Variants in PNPLA7 observed in about 807,000 individuals in gnomAD.
PNPLA7 encodes the protein patatin-like phospholipase domain-containing protein 7.
PNPLA7 carries 153 observed loss-of-function variants against 161.7 expected under a neutral mutation model. The ratio of observed to expected loss-of-function variants is 0.95; its 90% CI spans 0.83 to 1.08. The LOEUF (loss-of-function observed/expected upper bound fraction) is 1.08, where lower values mean the gene tolerates loss of function less well. Ranked by LOEUF, PNPLA7 falls within the 50% of genes least tolerant of loss-of-function variation. The probability of loss-of-function intolerance (pLI) is 0.00; values close to 1 mark genes in which losing one functional copy is unlikely to be tolerated. For missense variants in PNPLA7, 1,739 were observed against 1,856.6 expected, an observed-to-expected ratio of 0.94 and a Z score of 1.16; for synonymous variants, 809 against 782.1, an observed-to-expected ratio of 1.03 and a Z score of -0.57.
rs140793596 is a variant in PNPLA7 at position 137,462,020 on chromosome 9, G to A, written c.3667C>T (p.Arg1223Cys). The change falls in exon 32 of 35, where the codon CGC (arginine) becomes TGC (cysteine). Residue 1223 changes from arginine to cysteine, a missense_variant. Around this residue, in one of 6 missense-constraint regions of PNPLA7, gnomAD observed 703 missense variants for 694.6 expected, o/e 1.01. Transcript: ENST00000406427. ...CGGCCCCAGATGTCAAACACCGTGC[G>A]CCCGTGCTGGTAGCCCACTTCCTGT... ...EICEVGYQHG[R>C]TVFDIWGRSG... is the part of the protein sequence containing the mutation. 13 of 1,599,548 alleles carry A rather than the reference G, an allele frequency of 8.1e-6. No homozygotes were observed. The African/African-American group carries it at 1.1e-4, about 13-fold the overall frequency.
intron 8 of PNPLA7, among the ~76,000 whole-genome samples, chr9:137,528,676 T>C (rs1280015260): frequency 6.6e-6 from 1 of 151,666 alleles, no homozygotes; most frequent in Admixed American, 6.6e-5. Flanking sequence ...TTCTTTTAAT[T>C]GGGGCTTTCA....
chr9:137,535,553 G>A (rs918560065), intron 8 of PNPLA7, among the ~76,000 whole-genome samples: 10 of 152,028 alleles, frequency 6.6e-5, no homozygotes, highest in African/African-American at 2.4e-4. Context: ...AGGAGTTTGA[G>A]ACCAGCCTGA....
At chr9:137,501,300 C>T (rs745408941) in intron 15 of PNPLA7, among the ~76,000 whole-genome samples, 15 of 152,210 alleles carry the variant, frequency 9.9e-5, no homozygotes, top group Non-Finnish European at 1.3e-4. Flanking sequence ...GCACACGCCA[C>T]GCGTTTTGGT....
intron 8 of PNPLA7, among the ~76,000 whole-genome samples, chr9:137,528,142 A>T (rs144696017): frequency 7.9e-5 from 12 of 152,162 alleles, no homozygotes; most frequent in African/African-American, 2.6e-4. Flanking sequence ...TCTTTTCTAC[A>T]CTAGTCTGGC....
intron 14 of PNPLA7, among the ~76,000 whole-genome samples, chr9:137,503,689 GAAGA>G (rs1239660389): frequency 7.3e-6 from 1 of 137,736 alleles, no homozygotes; most frequent in South Asian, 2.6e-4. Context: ...GAAGGGGAGG[GAAGA>G]AAGAAGGGGA....
At chr9:137,473,033 A>C (rs1831782305) in intron 25 of PNPLA7, among the ~76,000 whole-genome samples, 1 of 152,132 alleles carries the variant, frequency 6.6e-6, no homozygotes, top group South Asian at 2.1e-4. Flanking sequence ...TGGAAGGTGA[A>C]GGAGGAGCAG....
chr9:137,492,802 G>A (rs1220673210), intron 20 of PNPLA7, among the ~76,000 whole-genome samples: 11 of 147,364 alleles, frequency 7.5e-5, no homozygotes, highest in Non-Finnish European at 1.5e-4. Context: ...GCAGGGCCAT[G>A]GGCTGGGTGG....
intron 14 of PNPLA7, among the ~76,000 whole-genome samples, chr9:137,505,056 G>A (rs527891841): frequency 2.0e-5 from 3 of 151,942 alleles, no homozygotes; most frequent in East Asian, 3.9e-4. Flanking sequence ...AGGTGTGGTC[G>A]TGGGCGCCTG....
At chr9:137,491,104 G>A (rs1001784642) in intron 20 of PNPLA7, among the ~76,000 whole-genome samples, 3 of 152,100 alleles carry the variant, frequency 2.0e-5, no homozygotes, top group Admixed American at 2.0e-4. Flanking sequence ...CATAAGAGTA[G>A]ACAGAAAAGC....
intron 14 of PNPLA7, among the ~76,000 whole-genome samples, chr9:137,502,090 C>G (rs1417346058): frequency 6.6e-6 from 1 of 152,206 alleles, no homozygotes; most frequent in Admixed American, 6.5e-5. Flanking sequence ...GATGCCTTCT[C>G]CACACCACCT....
At chr9:137,528,437 A>C (rs917600556) in intron 8 of PNPLA7, among the ~76,000 whole-genome samples, 2 of 151,854 alleles carry the variant, frequency 1.3e-5, no homozygotes, top group African/African-American at 4.8e-5. Context: ...GGTTCAAGTG[A>C]TTTCCAGATA....
intron 25 of PNPLA7, among the ~76,000 whole-genome samples, chr9:137,470,145 G>A (rs974692090): frequency 1.3e-5 from 2 of 151,474 alleles, no homozygotes; most frequent in Admixed American, 6.6e-5. Flanking sequence ...TCCTGCCTCC[G>A]CCTCCCAAGT....
Position 137,467,226 on chromosome 9 carries a change from C to T in PNPLA7, c.3039+91G>A. 1.4e-6 allele frequency: 2 copies of T among 1,466,808 alleles called. No individual in the cohort carries two copies. The highest frequency in any genetic ancestry group is 2.5e-5 in the East Asian group (1 of 40,150). The allele number at this position is 1,466,808 out of a possible 1,614,324, so 90.9% of individuals were successfully genotyped here. Reference sequence around the variant, plus strand: ...TCCTCGAGGGCAGGGCCCTGCAGAGCCACATGCAGAGGCCAACGGCCCCAG... The same window carrying T: ...TCCTCGAGGGCAGGGCCCTGCAGAGTCACATGCAGAGGCCAACGGCCCCAG... On this transcript the variant is annotated intron_variant, in intron 26 of 34. Transcript: ENST00000406427. The surrounding 1 kb of genome is among the most constrained non-coding windows in gnomAD (Gnocchi z 5.1).
In PNPLA7 at chr9:137,520,972, G is replaced by A. The variant is rs1326412271; in HGVS notation, c.957+664C>T. Reference sequence around the variant, plus strand: ...CGCGGACGTAGGGACCCCACGGGACGGGCATGGGGAGAGGCAGCCTCTGCT... The same window carrying A: ...CGCGGACGTAGGGACCCCACGGGACAGGCATGGGGAGAGGCAGCCTCTGCT... On this transcript the variant is annotated intron_variant, in intron 10 of 34. Transcript: ENST00000406427. The surrounding 1 kb of genome is among the most constrained non-coding windows in gnomAD (Gnocchi z 5.2). 2.0e-5 allele frequency among the ~76,000 whole-genome samples: 3 copies of A among 151,216 alleles called. No individual in the cohort carries two copies. Among genetic ancestry groups the A allele is most frequent in the African/African-American group, 4.9e-5 (2 of 41,066 alleles).
intron 4 of PNPLA7, among the ~76,000 whole-genome samples, chr9:137,544,712 C>T (rs995722653): frequency 1.3e-4 from 20 of 152,248 alleles, no homozygotes; most frequent in Admixed American, 8.5e-4. Context: ...GGCACGATCT[C>T]GACTCACTAC....
Position 137,467,415 on chromosome 9 carries a change from T to G in PNPLA7, c.2941A>C (p.Met981Leu). ...ALAECGIPVD[M>L]VGGTSIGAFV... ...GCCCCGATGGACGTGCCTCCCACCA[T>G]GTCCACAGGGATGCCGCACTCCGCC... The change falls in exon 26 of 35, where the codon ATG becomes CTG. Residue 981 changes from methionine to leucine, a missense_variant. Met to Leu is a conservative substitution (Grantham distance 15). Transcript: ENST00000406427. The surrounding 1 kb of genome is among the most constrained non-coding windows in gnomAD (Gnocchi z 5.1). 6.2e-7 allele frequency: 1 copy of G among 1,613,428 alleles called. No individual in the cohort carries two copies. Among genetic ancestry groups the G allele is most frequent in the Non-Finnish European group, 8.5e-7 (1 of 1,179,986 alleles).
intron 8 of PNPLA7, among the ~76,000 whole-genome samples, chr9:137,533,061 C>T (rs1015925524): frequency 4.0e-5 from 6 of 148,388 alleles, no homozygotes; most frequent in Admixed American, 3.4e-4. Flanking sequence ...GTGTCCACTC[C>T]AGATGGGAGC....
chr9:137,543,433 G>A lies in PNPLA7; in HGVS notation c.505C>T (p.Arg169Trp), dbSNP rs757091770. The A allele has an allele frequency of 7.4e-6, 12 of 1,613,898 alleles. No homozygotes were observed. The highest frequency in any genetic ancestry group is 2.7e-5 in the African/African-American group (2 of 74,920). Residue 169 changes from arginine to tryptophan, a missense_variant and splice_region_variant, in exon 6 of 35, where the codon CGG becomes TGG. Arg to Trp is a moderately radical substitution (Grantham distance 101). Transcript: ENST00000406427. The surrounding 1 kb of genome is among the most constrained non-coding windows in gnomAD (Gnocchi z 6.9). ...SEVLYMLKNV[R>W]VLGHFEKPLF... ...CCCGGGGCTCATCCCCGCTCTTACC[G>A]AACGTTTTTCAGCATGTACAGAACT...
Position 137,543,850 on chromosome 9 carries a change from T to A in PNPLA7, c.274-35A>T, listed in dbSNP as rs1195626525. The A allele has an allele frequency of 1.9e-6, 3 of 1,571,370 alleles. No homozygotes were observed. Among genetic ancestry groups the A allele is most frequent in the Non-Finnish European group, 2.6e-6 (3 of 1,142,048 alleles). ...CAAGGGAGAGACCAGCCACTGACCCTGCAAGCCGCAAGGTCCAAGCTCTTT... is the reference window on the plus strand; with the variant it reads ...CAAGGGAGAGACCAGCCACTGACCCAGCAAGCCGCAAGGTCCAAGCTCTTT... On this transcript the variant is annotated intron_variant, in intron 4 of 34. Transcript: ENST00000406427. This position sits in a 1 kb window ranked among gnomAD's most constrained non-coding sequence, Gnocchi z 6.9.
Sources: allele counts gnomAD v4.1 joint callset (sites outside exome capture counted in the v4.1 genomes callset), GRCh38; gene constraint gnomAD v4.1.1; regional missense constraint gnomAD v4.1.1; non-coding constraint Gnocchi (gnomAD v3.1); transcripts MANE v1.5; gene names NCBI Gene and HGNC (gene_info 2026-07-23, HGNC 2026-07-21).